PEX14: variants seen among roughly 807,000 people sequenced by gnomAD.
The protein encoded by PEX14 is peroxisomal membrane protein PEX14.
In PEX14, 15 loss-of-function variants were observed where a neutral mutation model predicts 49.5. The ratio of observed to expected loss-of-function variants is 0.30; its 90% confidence interval spans 0.20 to 0.47. The LOEUF is 0.47. Among genes scored for constraint, PEX14 ranks in the 20% least tolerant of loss-of-function variants. The pLI is 1.00. For missense variants in PEX14, 398 were observed against 494.8 expected, an observed-to-expected ratio of 0.80 and a Z score of 1.86; for synonymous variants, 210 against 212.7, an observed-to-expected ratio of 0.99 and a Z score of 0.11.
intron 3 of PEX14, among the ~76,000 whole-genome samples, chr1:10,547,248 T>C (rs1557838202): frequency 6.6e-6 from 1 of 152,202 alleles, no homozygotes; most frequent in East Asian, 1.9e-4. Context: ...GACATTACAA[T>C]AGGAAACCTC....
intron 1 of PEX14, among the ~76,000 whole-genome samples, chr1:10,493,343 G>A (rs1415047146): frequency 2.0e-5 from 3 of 152,116 alleles, no homozygotes; most frequent in Admixed American, 2.0e-4. Flanking sequence ...GAAAGCTGAC[G>A]CAGTGGTCCA....
intron 5 of PEX14, among the ~76,000 whole-genome samples, chr1:10,620,770 G>A (rs1017211309): frequency 3.9e-5 from 6 of 152,258 alleles, no homozygotes; most frequent in African/African-American, 1.4e-4. Context: ...CTGCACTCCA[G>A]CGTGGGTGAA....
At chr1:10,513,719 A>G (rs1015920136) in intron 2 of PEX14, among the ~76,000 whole-genome samples, 1 of 152,204 alleles carries the variant, frequency 6.6e-6, no homozygotes, top group Non-Finnish European at 1.5e-5. Context: ...TGACTATTAT[A>G]TAGCCCTTAA....
rs563630761 is a variant in PEX14 at position 10,542,053 on chromosome 1, T to G, written c.169+5756T>G. On this transcript the variant is annotated intron_variant, in intron 3 of 8. Transcript: ENST00000356607. ...AACAATACTGCAATGAAAAGGAAAG[T>G]GACAAAATGACATTGGCATGTATTA... Among the ~76,000 whole-genome samples, 25 of 150,702 alleles carry G rather than the reference T, an allele frequency of 1.7e-4. 1 individual carries two copies. In the South Asian group the frequency reaches 5.4e-3, roughly 32 times the overall value.
In PEX14 at chr1:10,627,171, G is replaced by A. The variant is rs192755937; in HGVS notation, c.586-101G>A. The A allele has an allele frequency of 5.5e-4, 448 of 809,290 alleles. No individual in the cohort carries two copies. In the African/African-American group the frequency reaches 6.5e-3, roughly 12 times the overall value. 50.1% of individuals were successfully genotyped at this position (809,290 alleles called of 1,614,324 possible). On this transcript the variant is annotated intron_variant, in intron 7 of 8. Coordinates refer to ENST00000356607, the MANE Select transcript of PEX14 (RefSeq NM_004565.3). Reference sequence around the variant, plus strand: ...CCCCGGGTTCCCCAGAACAGACCCAGAAGGCCCCACCTGCTGCCCCCACCC... The same window carrying A: ...CCCCGGGTTCCCCAGAACAGACCCAAAAGGCCCCACCTGCTGCCCCCACCC...
intron 4 of PEX14, among the ~76,000 whole-genome samples, chr1:10,611,266 A>T (rs517344): frequency 6.6e-6 from 1 of 151,912 alleles, no homozygotes; most frequent in East Asian, 1.9e-4. Flanking sequence ...CTGTCCCCCC[A>T]CCGAAATAAA....
In PEX14 at chr1:10,618,342, C is replaced by T. The variant is rs746391869; in HGVS notation, c.309C>T (p.Gly103=). 4 of 1,613,862 alleles carry T rather than the reference C, an allele frequency of 2.5e-6. No homozygotes were observed. In the Middle Eastern group the frequency reaches 6.6e-4, roughly 266 times the overall value. The change falls in exon 5 of 9, where the codon GGC becomes GGT. Residue 103 remains glycine (G), a synonymous_variant. Transcript: ENST00000356607. ...HLISQPYSPA[G]SRWRDYGALA... ...TCTTCCCGCCTGTAGGTCCCGCAGGCTCCCGATGGCGAGATTACGGCGCCC... is the reference window on the plus strand; with the variant it reads ...TCTTCCCGCCTGTAGGTCCCGCAGGTTCCCGATGGCGAGATTACGGCGCCC...
chr1:10,481,817 T>C (rs11578376), intron 1 of PEX14, among the ~76,000 whole-genome samples: 3 of 141,668 alleles, frequency 2.1e-5, no homozygotes, highest in Non-Finnish European at 4.5e-5. Context: ...TATTAACCAT[T>C]CTACTCTTTT....
intron 1 of PEX14, among the ~76,000 whole-genome samples, chr1:10,485,375 C>T (rs1460725961): frequency 2.9e-5 from 4 of 139,402 alleles, no homozygotes; most frequent in East Asian, 4.4e-4. Context: ...TGCAGTGGTG[C>T]AATCATACAT....
chr1:10,556,798 A>C (rs1639503266), intron 3 of PEX14, among the ~76,000 whole-genome samples: 1 of 152,168 alleles, frequency 6.6e-6, no homozygotes, highest in Non-Finnish European at 1.5e-5. Flanking sequence ...AATACCAGCT[A>C]ATTAATCCTC....
intron 2 of PEX14, among the ~76,000 whole-genome samples, chr1:10,500,708 G>A (rs1641662409): frequency 6.6e-6 from 1 of 152,088 alleles, no homozygotes; most frequent in South Asian, 2.1e-4. Flanking sequence ...CTGAGTATCT[G>A]GGACTATAGG....
intron 2 of PEX14, among the ~76,000 whole-genome samples, chr1:10,513,439 T>C (rs1641918291): frequency 6.6e-6 from 1 of 152,198 alleles, no homozygotes; most frequent in African/African-American, 2.4e-5. Context: ...GCCGACAGCT[T>C]GAACAAGGAT....
At chr1:10,504,132 A>G (rs992439777) in intron 2 of PEX14, among the ~76,000 whole-genome samples, 2 of 152,176 alleles carry the variant, frequency 1.3e-5, no homozygotes, top group African/African-American at 2.4e-5. Flanking sequence ...AGTTAGTCCC[A>G]CTTCTGAGCT....
In PEX14 at chr1:10,628,741, G is replaced by C. The variant is rs1641822063; in HGVS notation, c.678-790G>C. Among the ~76,000 whole-genome samples the C allele has an allele frequency of 6.6e-6, 1 of 152,236 alleles. No individual in the cohort carries two copies. Among genetic ancestry groups the C allele is most frequent in the African/African-American group, 2.4e-5 (1 of 41,456 alleles). On this transcript the variant is annotated intron_variant, in intron 8 of 8. Transcript: ENST00000356607. The surrounding 1 kb of genome is among the most constrained non-coding windows in gnomAD (Gnocchi z 4.5). ...TGTGCCCCACTCAAGTGGGGTCTGT[G>C]GTGGGAGAGTTGTGTCTAAGGCCCC...
chr1:10,554,488 G>A (rs1435440833), intron 3 of PEX14, among the ~76,000 whole-genome samples: 1 of 152,126 alleles, frequency 6.6e-6, no homozygotes. Flanking sequence ...TGAAGAGGCA[G>A]GGAGAAGGGC....
At chr1:10,627,157 C>G in intron 7 of PEX14, 115 bp from the exon 8 acceptor site, 1 of 782,658 alleles carries the variant, frequency 1.3e-6, no homozygotes, top group Non-Finnish European at 2.3e-6. Flanking sequence ...CCCGGGTTCC[C>G]CAGAACAGAC....
rs980715295 is a variant in PEX14, at chr1:10,624,546, C to A, written c.585+109C>A. 9 of 761,792 alleles carry A rather than the reference C, an allele frequency of 1.2e-5. No individual in the cohort carries two copies. The Admixed American group carries it at 1.7e-4, about 14-fold the overall frequency. 47.2% of individuals were successfully genotyped at this position (761,792 alleles called of 1,614,324 possible). A position where few individuals can be genotyped will look rare whatever the true frequency, so the allele number is the denominator to read the frequency against. The stretch of plus-strand genomic sequence containing the variant: ...CACCTTCGGGAGCTGGACTTTGCCC[C>A]AGTCTCACAGTGGTTACACAGCCGT... On this transcript the variant is annotated intron_variant, in intron 7 of 8. Transcript: ENST00000356607.
chr1:10,553,756 C>T (rs1267352709), intron 3 of PEX14, among the ~76,000 whole-genome samples: 3 of 152,180 alleles, frequency 2.0e-5, no homozygotes, highest in African/African-American at 7.2e-5. Context: ...ACTCCTTTGT[C>T]ATCTGTTTCC....
At chr1:10,594,569 T>C (rs1347931338) in intron 3 of PEX14, among the ~76,000 whole-genome samples, 1 of 152,232 alleles carries the variant, frequency 6.6e-6, no homozygotes, top group Non-Finnish European at 1.5e-5. Flanking sequence ...ATTTTCAAAC[T>C]CTTCCTAACC....
Sources: allele counts gnomAD v4.1 joint callset (sites outside exome capture counted in the v4.1 genomes callset), GRCh38; gene constraint gnomAD v4.1.1; non-coding constraint Gnocchi (gnomAD v3.1); transcripts MANE v1.5; gene names NCBI Gene and HGNC (gene_info 2026-07-23, HGNC 2026-07-21).